Variants in MAK observed in about 807,000 individuals in gnomAD.
The protein encoded by MAK is male germ cell associated kinase.
A neutral mutation model predicts 82.6 loss-of-function variants in MAK; 65 were observed. That is an observed-to-expected ratio of 0.79 (90% CI 0.64 to 0.97). The LOEUF is 0.97. Among genes scored for constraint, MAK ranks in the 50% least tolerant of loss-of-function variants. The probability of loss-of-function intolerance (pLI) is 0.00; values close to 1 mark genes in which losing one functional copy is unlikely to be tolerated. For missense variants in MAK, 703 were observed against 780.2 expected, an observed-to-expected ratio of 0.90 and a Z score of 1.18; for synonymous variants, 250 against 274.2, an observed-to-expected ratio of 0.91 and a Z score of 0.87.
chr6:10,784,510 G>C lies in MAK; in HGVS notation c.1379C>G (p.Ala460Gly). ...HSTGENKSLP[A>G]VTSLKSDSEL... ...GGAATCAGATTTTAGGGAAGTAACA[G>C]CAGGTAAGCTCTTGTTTTCCCCTGT... Residue 460 changes from alanine (A) to glycine (G), a missense_variant, in exon 11 of 15, where the codon GCT (alanine) becomes GGT (glycine). Coordinates refer to ENST00000354489, the MANE Select transcript of MAK (RefSeq NM_001242957.3). The C allele has an allele frequency of 6.2e-7, 1 of 1,614,154 alleles. No homozygotes were observed. The highest frequency in any genetic ancestry group is 8.5e-7 in the Non-Finnish European group (1 of 1,179,992).
At chr6:10,830,110 A>G (rs808462) in intron 2 of MAK, among the ~76,000 whole-genome samples, 71,592 of 147,256 alleles carry the variant, frequency 0.49, 17,157 homozygotes, top group Admixed American at 0.5. Flanking sequence ...GCCACCGCAC[A>G]CAGCCTGTGT....
intron 11 of MAK, among the ~76,000 whole-genome samples, chr6:10,782,809 C>T (rs1191876786): frequency 6.6e-6 from 1 of 152,102 alleles, no homozygotes; most frequent in Non-Finnish European, 1.5e-5. Flanking sequence ...AACTCCTGAA[C>T]TCAGGTGATC....
Position 10,834,824 on chromosome 6 carries a change from C to T in MAK, c.-230+3679G>A, listed in dbSNP as rs148258339. ...TTATTGTTTGAGACAGAGTCTCACTCTGTGCCAGGTCCGACCCGCAGACCC... is the reference window on the plus strand; with the variant it reads ...TTATTGTTTGAGACAGAGTCTCACTTTGTGCCAGGTCCGACCCGCAGACCC... On this transcript the variant is annotated intron_variant, in intron 1 of 14. Coordinates refer to ENST00000354489, the MANE Select transcript of MAK (RefSeq NM_001242957.3). Among the ~76,000 whole-genome samples, 443 of 152,248 alleles carry T rather than the reference C, an allele frequency of 2.9e-3. 2 individuals are homozygous for T. Among genetic ancestry groups the T allele is most frequent in the Non-Finnish European group, 5.2e-3 (354 of 68,014 alleles).
intron 14 of MAK, among the ~76,000 whole-genome samples, chr6:10,767,661 C>T (rs1772570271): frequency 6.6e-6 from 1 of 151,938 alleles, no homozygotes; most frequent in African/African-American, 2.4e-5. Context: ...TGGTGGCACG[C>T]ACCTGTAGTC....
At chr6:10,822,279 C>T (rs1778019579) in intron 2 of MAK, among the ~76,000 whole-genome samples, 1 of 151,538 alleles carries the variant, frequency 6.6e-6, no homozygotes, top group African/African-American at 2.4e-5. Flanking sequence ...CATGGAGAAA[C>T]CCCGTCTCTA....
chr6:10,794,533 T>C (rs1775348382), intron 9 of MAK, among the ~76,000 whole-genome samples: 1 of 152,044 alleles, frequency 6.6e-6, no homozygotes, highest in Admixed American at 6.6e-5. Flanking sequence ...TGGAAGGAAA[T>C]AGATACAGTG....
At position 10,803,719 on chromosome 6, in the gene MAK, C is replaced by T; in HGVS notation, c.663+1G>A. 2 of 1,613,028 alleles carry T rather than the reference C, an allele frequency of 1.2e-6. No homozygotes were observed. The highest frequency in any genetic ancestry group is 1.7e-4 in the Middle Eastern group (1 of 6,060). ...AGCAACTTAGGGACAAGAGTACTTACTTTTTTGGGAGTCCCTAAAACTTGG... is the reference window on the plus strand; with the variant it reads ...AGCAACTTAGGGACAAGAGTACTTATTTTTTTGGGAGTCCCTAAAACTTGG... On this transcript the variant is annotated splice_donor_variant, in intron 7 of 14. Transcript: ENST00000354489. LOFTEE classifies it high-confidence loss of function.
chr6:10,825,269 T>C (rs1778277337), intron 2 of MAK, among the ~76,000 whole-genome samples: 1 of 152,228 alleles, frequency 6.6e-6, no homozygotes, highest in African/African-American at 2.4e-5. Flanking sequence ...GGGTACAATG[T>C]TGAGCCATTG....
intron 2 of MAK, among the ~76,000 whole-genome samples, chr6:10,825,594 AG>A (rs1778304453): frequency 6.6e-6 from 1 of 152,088 alleles, no homozygotes; most frequent in Non-Finnish European, 1.5e-5. Flanking sequence ...ATTGACTAAA[AG>A]TCATCATGCC....
At chr6:10,789,166 A>G (rs924107751) in intron 10 of MAK, among the ~76,000 whole-genome samples, 12 of 151,832 alleles carry the variant, frequency 7.9e-5, no homozygotes, top group Non-Finnish European at 1.6e-4. Context: ...AAAAAAGAAA[A>G]AAAAAAAAAA....
intron 11 of MAK, among the ~76,000 whole-genome samples, chr6:10,780,527 T>C (rs1773867961): frequency 6.8e-6 from 1 of 146,652 alleles, no homozygotes; most frequent in African/African-American, 2.5e-5. Context: ...CGATCTCAGC[T>C]CACTGCAGCC....
intron 14 of MAK, among the ~76,000 whole-genome samples, chr6:10,765,647 A>T (rs1229967148): frequency 6.6e-6 from 1 of 151,822 alleles, no homozygotes; most frequent in Non-Finnish European, 1.5e-5. Flanking sequence ...TTTAGTAGAG[A>T]TGGGGTTTTG....
chr6:10,796,197 G>A lies in MAK; in HGVS notation c.944C>T (p.Ser315Phe), dbSNP rs1775542504. ...AGGCTTAGGCTCTACCTCAACTAAA[G>A]ATGGCTTTGATTCTAATGGTTGCAG... The part of the protein sequence containing the change: ...KQLQPLESKP[S>F]LVEVEPKPLP... The change falls in exon 9 of 15, where the codon TCT becomes TTT. Residue 315 changes from serine (S) to phenylalanine (F), a missense_variant. Coordinates refer to ENST00000354489, the MANE Select transcript of MAK (RefSeq NM_001242957.3). The A allele has an allele frequency of 6.2e-7, 1 of 1,614,084 alleles. No homozygotes were observed. Among genetic ancestry groups the A allele is most frequent in the East Asian group, 2.2e-5 (1 of 44,900 alleles).
At chr6:10,831,618 C>T (rs978224315) in intron 1 of MAK, among the ~76,000 whole-genome samples, 1 of 151,982 alleles carries the variant, frequency 6.6e-6, no homozygotes, top group Admixed American at 6.6e-5. Context: ...CTTGATGGCA[C>T]GCTTGTAGTC....
chr6:10,816,551 G>A (rs1277698801), intron 4 of MAK, among the ~76,000 whole-genome samples: 2 of 151,994 alleles, frequency 1.3e-5, no homozygotes, highest in Non-Finnish European at 2.9e-5. Flanking sequence ...CCCACCACCT[G>A]ATTAAGAAAC....
intron 11 of MAK, among the ~76,000 whole-genome samples, chr6:10,782,821 G>A (rs965390263): frequency 7.2e-5 from 11 of 151,980 alleles, no homozygotes; most frequent in African/African-American, 2.4e-4. Flanking sequence ...CAGGTGATCC[G>A]CCCACCTCGG....
rs529473229 is a variant in MAK, at chr6:10,815,699, CA to C, written c.279-1977del. 2.6e-3 allele frequency among the ~76,000 whole-genome samples: 390 copies of C among 151,866 alleles called. 3 individuals carry two copies. The highest frequency in any genetic ancestry group is 8.7e-3 in the African/African-American group (362 of 41,376). On this transcript the variant is annotated intron_variant, in intron 4 of 14. Coordinates refer to ENST00000354489, the MANE Select transcript of MAK (RefSeq NM_001242957.3). ...TGGTCTCAAACTCCTGGGGCTCAAG[CA>C]ATCCTCCCGCCTTGGCCTCTCAAAG...
At chr6:10,798,108 T>A in intron 8 of MAK, 60 of 180,612 alleles carry the variant, frequency 3.3e-4, no homozygotes, top group Non-Finnish European at 5.7e-4. Context: ...TTATAACAAC[T>A]CTTCCCTTTT....
intron 1 of MAK, among the ~76,000 whole-genome samples, chr6:10,832,945 T>C (rs1269591961): frequency 6.6e-6 from 1 of 152,252 alleles, no homozygotes; most frequent in Non-Finnish European, 1.5e-5. Flanking sequence ...TTTATTGCAA[T>C]ATTCACTTTA....
Sources: allele counts gnomAD v4.1 joint callset (sites outside exome capture counted in the v4.1 genomes callset), GRCh38; gene constraint gnomAD v4.1.1; transcripts MANE v1.5; gene names NCBI Gene and HGNC (gene_info 2026-07-23, HGNC 2026-07-21).